AFF3: variants seen among roughly 807,000 people sequenced by gnomAD.
The protein encoded by AFF3 is ALF transcription elongation factor 3.
AFF3 carries 32 observed loss-of-function variants against 129.7 expected under a neutral mutation model. That is an observed-to-expected ratio of 0.25 (90% CI 0.19 to 0.33). AFF3 has a LOEUF of 0.33. AFF3 is among the 10% of genes least tolerant of loss of function. The pLI is 1.00. For synonymous variants in AFF3, 644 were observed against 635.4 expected (o/e 1.01, Z -0.20); for missense variants, 1,373 against 1,592.0 (o/e 0.86, Z 2.34).
chr2:99,970,222 G>A (rs534130333), intron 7 of AFF3, among the ~76,000 whole-genome samples: 1 of 152,248 alleles, frequency 6.6e-6, no homozygotes, highest in East Asian at 1.9e-4. Flanking sequence ...GTCCTGAAGG[G>A]AGAGGTGTCC....
chr2:99,904,433 A>G (rs1421720107), intron 7 of AFF3, among the ~76,000 whole-genome samples: 3 of 152,156 alleles, frequency 2.0e-5, no homozygotes, highest in Non-Finnish European at 4.4e-5. Flanking sequence ...GTCCTATCCA[A>G]AAATACACTC....
At chr2:100,050,197 C>T (rs934942144) in intron 4 of AFF3, among the ~76,000 whole-genome samples, 5 of 151,474 alleles carry the variant, frequency 3.3e-5, no homozygotes, top group African/African-American at 9.7e-5. Context: ...GACTTCATCT[C>T]GGGGGGGAAA....
chr2:99,607,589 G>A (rs963921647), intron 13 of AFF3, among the ~76,000 whole-genome samples: 1 of 152,064 alleles, frequency 6.6e-6, no homozygotes, highest in Non-Finnish European at 1.5e-5. Flanking sequence ...CACAGTCAAG[G>A]GTGCTCCTGC....
chr2:100,092,651 G>T (rs1689956139), intron 4 of AFF3, among the ~76,000 whole-genome samples: 1 of 152,098 alleles, frequency 6.6e-6, no homozygotes, highest in African/African-American at 2.4e-5. Context: ...AAACTGACCT[G>T]CACTGGTCAC....
At chr2:99,823,148 A>G (rs1290688781) in intron 8 of AFF3, among the ~76,000 whole-genome samples, 1 of 152,220 alleles carries the variant, frequency 6.6e-6, no homozygotes, top group Non-Finnish European at 1.5e-5. Flanking sequence ...TCTGGTTTCC[A>G]GAGCTGCAGC....
intron 7 of AFF3, among the ~76,000 whole-genome samples, chr2:99,936,131 C>T (rs1674504453): frequency 6.6e-6 from 1 of 152,150 alleles, no homozygotes; most frequent in Non-Finnish European, 1.5e-5. Context: ...CCCTCAGGAA[C>T]TACAGCCTTT....
intron 7 of AFF3, among the ~76,000 whole-genome samples, chr2:99,967,194 C>T: frequency 6.6e-6 from 1 of 152,076 alleles, no homozygotes; most frequent in East Asian, 1.9e-4. Flanking sequence ...CACAGGTACA[C>T]AGGTATTCCC....
chr2:99,684,673 G>A (rs1008515034), intron 11 of AFF3, among the ~76,000 whole-genome samples: 3 of 149,022 alleles, frequency 2.0e-5, no homozygotes, highest in Non-Finnish European at 4.4e-5. Context: ...GTGCAGTGGT[G>A]TGATCACAGC....
chr2:99,813,000 A>G (rs1686914829), intron 8 of AFF3, among the ~76,000 whole-genome samples: 1 of 152,050 alleles, frequency 6.6e-6, no homozygotes. Context: ...CAGGCATTTT[A>G]TTCATTAAGT....
At chr2:99,855,971 A>G (rs886126196) in intron 7 of AFF3, among the ~76,000 whole-genome samples, 9 of 152,214 alleles carry the variant, frequency 5.9e-5, no homozygotes, top group African/African-American at 1.9e-4. Flanking sequence ...CAGTCTAAAC[A>G]TAAGAAAAAC....
At chr2:99,823,177 G>A (rs1687816110) in intron 8 of AFF3, among the ~76,000 whole-genome samples, 1 of 152,250 alleles carries the variant, frequency 6.6e-6, no homozygotes, top group Admixed American at 6.5e-5. Context: ...GTTTTGGGAA[G>A]TTGATCTTTT....
chr2:99,848,288 G>A (rs12478013), intron 7 of AFF3, among the ~76,000 whole-genome samples: 120,834 of 151,570 alleles, frequency 0.8, 48,729 homozygotes, highest in South Asian at 0.93. Flanking sequence ...TAAATGAAAT[G>A]AAAATATAAA....
chr2:100,032,452 G>A (rs1455355217), intron 4 of AFF3, among the ~76,000 whole-genome samples: 1 of 151,540 alleles, frequency 6.6e-6, no homozygotes, highest in Non-Finnish European at 1.5e-5. Flanking sequence ...GTATGCCCAA[G>A]AGAGATTCTG....
intron 20 of AFF3, among the ~76,000 whole-genome samples, chr2:99,564,724 C>A (rs1259311801): frequency 6.6e-6 from 1 of 152,100 alleles, no homozygotes; most frequent in Non-Finnish European, 1.5e-5. Context: ...TGGAAAATGT[C>A]TAAGCTTTGA....
chr2:99,626,093 C>T (rs908689181), intron 13 of AFF3, among the ~76,000 whole-genome samples: 2 of 152,144 alleles, frequency 1.3e-5, no homozygotes, highest in African/African-American at 2.4e-5. Flanking sequence ...GAAGCTGCTG[C>T]GTTTGGACAC....
chr2:99,993,191 T>C (rs944704986), intron 7 of AFF3, among the ~76,000 whole-genome samples: 2 of 152,234 alleles, frequency 1.3e-5, no homozygotes, highest in Non-Finnish European at 2.9e-5. Flanking sequence ...GCCACTGTTA[T>C]TTGGAATCTA....
At position 99,748,158 on chromosome 2, in the gene AFF3, G is replaced by C. The variant is rs1274786474; in HGVS notation, c.1003-4018C>G. Among the ~76,000 whole-genome samples, 4 of 152,286 alleles carry C rather than the reference G, an allele frequency of 2.6e-5. No individual in the cohort carries two copies. The East Asian group carries it at 7.7e-4, about 29-fold the overall frequency. On this transcript the variant is annotated intron_variant, in intron 9 of 24. Transcript: ENST00000672756. ...CTTATTCTTCACAGAGCCAGAGCAA[G>C]GCTGGGTCCAGAACAGAGGGAGACC...
chr2:99,915,527 C>T (rs1695417021), intron 7 of AFF3, among the ~76,000 whole-genome samples: 1 of 152,144 alleles, frequency 6.6e-6, no homozygotes, highest in African/African-American at 2.4e-5. Context: ...GTTCAAATCC[C>T]TTTGGAGCCA....
chr2:99,582,390 A>G (rs1425447060), intron 17 of AFF3, among the ~76,000 whole-genome samples: 9 of 152,050 alleles, frequency 5.9e-5, no homozygotes, highest in African/African-American at 2.2e-4. Context: ...ACTGGCCAAT[A>G]AGGGCAGAGT....
Sources: gnomAD v4.1 joint callset for allele counts (sites outside exome capture counted in the v4.1 genomes callset) on GRCh38, gnomAD v4.1.1 for gene constraint, MANE v1.5 for transcripts, NCBI Gene and HGNC (gene_info 2026-07-23, HGNC 2026-07-21) for gene names.